Variants in IQSEC1 observed in about 807,000 individuals in gnomAD.
The protein encoded by IQSEC1 is IQ motif and SEC7 domain-containing protein 1.
A neutral mutation model predicts 91.0 loss-of-function variants in IQSEC1; 31 were observed. That is an observed-to-expected ratio of 0.34 (90% CI 0.26 to 0.46). The LOEUF (loss-of-function observed/expected upper bound fraction) is 0.46, where lower values mean the gene tolerates loss of function less well. Among genes scored for constraint, IQSEC1 ranks in the 20% least tolerant of loss-of-function variants. The probability of loss-of-function intolerance (pLI) is 1.00; values close to 1 mark genes in which losing one functional copy is unlikely to be tolerated. For missense variants in IQSEC1, 1,388 were observed against 1,575.6 expected (o/e 0.88, Z 2.02); for synonymous variants, 699 against 662.6 (o/e 1.05, Z -0.84).
chr3:13,101,292 T>C (rs1264275448), intron 2 of IQSEC1, among the ~76,000 whole-genome samples: 5 of 151,812 alleles, frequency 3.3e-5, no homozygotes, highest in Non-Finnish European at 5.9e-5. Flanking sequence ...CCATCCTGGC[T>C]AACATGGTGA....
rs1453172551 is a variant in IQSEC1, at chr3:13,259,478, C to T, written c.272+23233G>A. 6.6e-6 allele frequency among the ~76,000 whole-genome samples: 1 copy of T among 152,144 alleles called. No individual in the cohort carries two copies. The highest frequency in any genetic ancestry group is 1.5e-5 in the Non-Finnish European group (1 of 67,982). ...GGTGAGATAGCACTGTCATCGCCGG[C>T]CACGTCCTCATTTCCAGAAGCCCAA... On this transcript the variant is annotated intron_variant, in intron 1 of 15. Coordinates refer to the IQSEC1 transcript ENST00000648114. This position sits in a 1 kb window ranked among gnomAD's most constrained non-coding sequence, Gnocchi z 4.6.
chr3:13,200,092 C>T (rs1694213503), intron 1 of IQSEC1, among the ~76,000 whole-genome samples: 2 of 147,288 alleles, frequency 1.4e-5, no homozygotes, highest in African/African-American at 2.5e-5. Flanking sequence ...ATATACACAA[C>T]ATGCGCGCGC....
chr3:13,157,369 A>C (rs541652928), intron 2 of IQSEC1, among the ~76,000 whole-genome samples: 1 of 152,166 alleles, frequency 6.6e-6, no homozygotes, highest in Non-Finnish European at 1.5e-5. Context: ...CAGTGACTTC[A>C]ATGTGGCTCC....
chr3:13,248,032 C>T (rs1238719355), intron 1 of IQSEC1, among the ~76,000 whole-genome samples: 1 of 152,168 alleles, frequency 6.6e-6, no homozygotes, highest in Non-Finnish European at 1.5e-5. Flanking sequence ...TCAAAATGCC[C>T]CCTACAGGTT....
At chr3:13,095,354 C>T (rs1400145555) in intron 2 of IQSEC1, among the ~76,000 whole-genome samples, 1 of 152,050 alleles carries the variant, frequency 6.6e-6, no homozygotes, top group African/African-American at 2.4e-5. Context: ...AAGCAGAAAC[C>T]CTGAGGTGGG....
chr3:13,050,610 T>C (rs1452914855), intron 1 of IQSEC1, among the ~76,000 whole-genome samples: 2 of 152,238 alleles, frequency 1.3e-5, no homozygotes, highest in East Asian at 1.9e-4. Flanking sequence ...GGGCCAGGGT[T>C]CAAATCCCAG....
chr3:13,044,012 TG>T (rs1428007255), intron 1 of IQSEC1, among the ~76,000 whole-genome samples: 1 of 152,136 alleles, frequency 6.6e-6, no homozygotes, highest in Non-Finnish European at 1.5e-5. Flanking sequence ...GGATGGGAGC[TG>T]GTGCCACAAA....
At chr3:13,101,609 T>G (rs2124831706) in intron 2 of IQSEC1, among the ~76,000 whole-genome samples, 1 of 151,228 alleles carries the variant, frequency 6.6e-6, no homozygotes, top group African/African-American at 2.4e-5. Context: ...CAGATTGCAG[T>G]GGGTGGGAGA....
intron 6 of IQSEC1, among the ~76,000 whole-genome samples, chr3:12,916,071 G>A (rs959941540): frequency 3.9e-5 from 6 of 152,186 alleles, no homozygotes; most frequent in African/African-American, 1.4e-4. Flanking sequence ...CCACAGATGG[G>A]AAGACTGAGG....
chr3:13,273,459 T>C (rs1324125366), intron 1 of IQSEC1, among the ~76,000 whole-genome samples: 17 of 152,214 alleles, frequency 1.1e-4, no homozygotes, highest in Admixed American at 1.1e-3. Context: ...CAAGAACTGC[T>C]GCAGGCAGCC....
At chr3:13,265,897 A>T (rs1381555615) in intron 1 of IQSEC1, among the ~76,000 whole-genome samples, 1 of 148,724 alleles carries the variant, frequency 6.7e-6, no homozygotes, top group Non-Finnish European at 1.5e-5. Flanking sequence ...ATTTAAAAAA[A>T]AAAAAAGATG....
At chr3:13,062,949 G>A (rs917995840) in intron 1 of IQSEC1, among the ~76,000 whole-genome samples, 2 of 152,246 alleles carry the variant, frequency 1.3e-5, no homozygotes, top group African/African-American at 4.8e-5. Context: ...TGCTCTGACA[G>A]GACCTTCATC....
At chr3:12,906,249 C>A (rs1158805796) in intron 12 of IQSEC1, among the ~76,000 whole-genome samples, 1 of 152,222 alleles carries the variant, frequency 6.6e-6, no homozygotes, top group Admixed American at 6.5e-5. Context: ...AGGCTCACCT[C>A]TTCCACAAGC....
chr3:13,236,172 C>T (rs756906614), intron 1 of IQSEC1, among the ~76,000 whole-genome samples: 26 of 152,154 alleles, frequency 1.7e-4, no homozygotes, highest in Non-Finnish European at 2.8e-4. Flanking sequence ...AGGCTGCAAG[C>T]TCCCCACTGA....
At chr3:13,000,761 GCC>G (rs1310380417) in intron 1 of IQSEC1, among the ~76,000 whole-genome samples, 1 of 152,206 alleles carries the variant, frequency 6.6e-6, no homozygotes, top group Non-Finnish European at 1.5e-5. Flanking sequence ...GGTGGGCACA[GCC>G]CCAGGCTTGC....
chr3:13,095,128 C>T (rs1409275974), intron 2 of IQSEC1, among the ~76,000 whole-genome samples: 1 of 151,986 alleles, frequency 6.6e-6, no homozygotes, highest in Non-Finnish European at 1.5e-5. Context: ...CAAGAATCTA[C>T]CTCCATCTCT....
intron 2 of IQSEC1, among the ~76,000 whole-genome samples, chr3:13,122,199 A>T (rs965335031): frequency 6.6e-6 from 1 of 152,248 alleles, no homozygotes; most frequent in African/African-American, 2.4e-5. Flanking sequence ...AAACACCCGT[A>T]TAAAGACCTG....
At chr3:13,175,275 A>G (rs926483153) in intron 1 of IQSEC1, among the ~76,000 whole-genome samples, 7 of 151,748 alleles carry the variant, frequency 4.6e-5, no homozygotes, top group Non-Finnish European at 7.4e-5. Flanking sequence ...TGTAAAATGC[A>G]CCTCCACTCT....
At chr3:12,990,942 A>C (rs1342518379) in intron 1 of IQSEC1, among the ~76,000 whole-genome samples, 1 of 152,208 alleles carries the variant, frequency 6.6e-6, no homozygotes, top group East Asian at 1.9e-4. Context: ...TTTGCACTGC[A>C]ATCCTGCTGG....
Sources: gnomAD v4.1 joint callset for allele counts (sites outside exome capture counted in the v4.1 genomes callset) on GRCh38, gnomAD v4.1.1 for gene constraint, Gnocchi (gnomAD v3.1) non-coding constraint, MANE v1.5 for transcripts, NCBI Gene and HGNC (gene_info 2026-07-23, HGNC 2026-07-21) for gene names.